The following WDR70 variants were observed in gnomAD, a reference collection of about 807,000 sequenced individuals.
WDR70 encodes the protein WD repeat domain 70.
Under a neutral mutation model 88.6 loss-of-function variants are expected in WDR70, and 53 were observed. That is an observed-to-expected ratio of 0.60 (90% confidence interval 0.48 to 0.75). The LOEUF (loss-of-function observed/expected upper bound fraction) is 0.75. WDR70 is among the 30% of genes least tolerant of loss of function. The pLI, the probability that WDR70 is intolerant of heterozygous loss-of-function variation, is 0.00. For synonymous variants in WDR70, 280 were observed against 270.0 expected (o/e 1.04, Z -0.36); for missense variants, 610 against 823.2 (o/e 0.74, Z 3.17).
intron 10 of WDR70, among the ~76,000 whole-genome samples, chr5:37,674,416 T>A (rs551754886): frequency 4.3e-4 from 65 of 152,154 alleles, no homozygotes; most frequent in Non-Finnish European, 6.0e-4. Context: ...CAGAGTGTGA[T>A]GTTCCCCTTC....
chr5:37,582,105 A>T (rs1426744043), intron 9 of WDR70, among the ~76,000 whole-genome samples: 1 of 56,850 alleles, frequency 1.8e-5, no homozygotes, highest in African/African-American at 3.3e-5. Context: ...TTACAGTATT[A>T]GTTAGTAACT....
chr5:37,728,306 C>G (rs1481813839), intron 17 of WDR70, among the ~76,000 whole-genome samples: 1 of 149,886 alleles, frequency 6.7e-6, no homozygotes, highest in East Asian at 2.0e-4. Flanking sequence ...CAGGATCACA[C>G]CACTGCACTC....
At chr5:37,747,590 C>G (rs917388641) in intron 17 of WDR70, among the ~76,000 whole-genome samples, 3 of 152,132 alleles carry the variant, frequency 2.0e-5, no homozygotes, top group African/African-American at 7.2e-5. Context: ...AAAACTGATA[C>G]AAGACAAGGA....
chr5:37,543,495 G>A (rs538209), intron 9 of WDR70, among the ~76,000 whole-genome samples: 111,433 of 151,562 alleles, frequency 0.74, 41,512 homozygotes, highest in African/African-American at 0.87. Flanking sequence ...GTGTGTGCAT[G>A]TATATATATA....
At chr5:37,679,297 G>T (rs1234884249) in intron 10 of WDR70, among the ~76,000 whole-genome samples, 2 of 152,120 alleles carry the variant, frequency 1.3e-5, no homozygotes, top group African/African-American at 2.4e-5. Flanking sequence ...CTTTGGAGGA[G>T]GAGAGGCACC....
intron 10 of WDR70, among the ~76,000 whole-genome samples, chr5:37,618,677 A>G (rs1744415752): frequency 1.3e-5 from 2 of 152,234 alleles, no homozygotes. Context: ...AGGTGGGTGG[A>G]TATATCAGAT....
intron 5 of WDR70, among the ~76,000 whole-genome samples, chr5:37,431,803 T>C (rs1250345374): frequency 6.6e-6 from 1 of 152,242 alleles, no homozygotes; most frequent in Non-Finnish European, 1.5e-5. Context: ...TGGAACCATA[T>C]AGTATTTGTC....
intron 8 of WDR70, among the ~76,000 whole-genome samples, chr5:37,513,674 T>C (rs966366009): frequency 5.9e-5 from 9 of 152,124 alleles, no homozygotes; most frequent in African/African-American, 1.9e-4. Context: ...ACTGAAGAAC[T>C]TGGAGTCCGA....
chr5:37,538,194 ATCT>A (rs769855854), intron 9 of WDR70, among the ~76,000 whole-genome samples: 15 of 152,252 alleles, frequency 9.9e-5, no homozygotes, highest in Non-Finnish European at 1.8e-4. Context: ...TAATGGTAGT[ATCT>A]TCTTCTTTTT....
intron 13 of WDR70, among the ~76,000 whole-genome samples, chr5:37,713,985 C>T (rs904839286): frequency 1.3e-5 from 2 of 152,054 alleles, no homozygotes; most frequent in Admixed American, 6.6e-5. Flanking sequence ...AAATGCATCC[C>T]GGGATAGTAT....
rs1270855677 is a variant in WDR70, at chr5:37,483,101, G to GCTT, written c.840+3114_840+3115insCTT. On this transcript the variant is annotated intron_variant, in intron 8 of 17. Transcript: ENST00000265107. ...AAAAAAAGGAAAGAAAGTGGTCTCA[G>GCTT]TTTTTTTTTTTTTTTTTTTAATTGA... Among the ~76,000 whole-genome samples the GCTT allele has an allele frequency of 1.2e-4, 16 of 129,874 alleles. 2 individuals are homozygous for GCTT. Among genetic ancestry groups the GCTT allele is most frequent in the South Asian group, 2.5e-4 (1 of 3,952 alleles). 85.2% of individuals were successfully genotyped at this position (129,874 alleles called of 152,430 possible).
intron 17 of WDR70, among the ~76,000 whole-genome samples, chr5:37,741,787 G>A (rs1036232306): frequency 7.2e-5 from 11 of 152,118 alleles, no homozygotes; most frequent in Non-Finnish European, 1.5e-4. Context: ...CCAGTTTCTT[G>A]TAAGCACCAT....
chr5:37,569,332 C>T (rs1418982189), intron 9 of WDR70, among the ~76,000 whole-genome samples: 2 of 152,158 alleles, frequency 1.3e-5, no homozygotes, highest in Admixed American at 1.3e-4. Context: ...TTGCTGCTTT[C>T]TCAGAAAATT....
chr5:37,662,571 C>T (rs975591034), intron 10 of WDR70, among the ~76,000 whole-genome samples: 1 of 152,106 alleles, frequency 6.6e-6, no homozygotes, highest in African/African-American at 2.4e-5. Context: ...GTCATGTTAC[C>T]TTAAGGCAGT....
chr5:37,589,845 G>A (rs1432825772), intron 9 of WDR70, among the ~76,000 whole-genome samples: 1 of 152,096 alleles, frequency 6.6e-6, no homozygotes, highest in Non-Finnish European at 1.5e-5. Flanking sequence ...CAAGTGATCC[G>A]CCTGCCTTGG....
chr5:37,443,784 G>A (rs1266038635), intron 7 of WDR70, among the ~76,000 whole-genome samples: 1 of 152,074 alleles, frequency 6.6e-6, no homozygotes, highest in Admixed American at 6.6e-5. Context: ...CCTGAGGGGT[G>A]GAGGTTGCAG....
At chr5:37,604,969 T>C in intron 9 of WDR70, 95 bp from the exon 10 acceptor site, 1 of 1,077,228 alleles carries the variant, frequency 9.3e-7, no homozygotes, top group South Asian at 2.8e-5. Flanking sequence ...TGTGCCAAAA[T>C]GGCGAAGCAG....
chr5:37,523,971 G>T (rs1440728338), intron 9 of WDR70, among the ~76,000 whole-genome samples: 1 of 152,200 alleles, frequency 6.6e-6, no homozygotes, highest in Non-Finnish European at 1.5e-5. Context: ...TAAGAAATAT[G>T]GGACTATGTG....
intron 9 of WDR70, among the ~76,000 whole-genome samples, chr5:37,551,636 G>C (rs1174735963): frequency 1.3e-5 from 2 of 151,090 alleles, no homozygotes; most frequent in Non-Finnish European, 2.9e-5. Flanking sequence ...GCTGAGGCAG[G>C]AGAATCGCTC....
Sources: allele counts gnomAD v4.1 joint callset (sites outside exome capture counted in the v4.1 genomes callset), GRCh38; gene constraint gnomAD v4.1.1; transcripts MANE v1.5; gene names NCBI Gene and HGNC (gene_info 2026-07-23, HGNC 2026-07-21).